Variants in GPHN observed in about 807,000 individuals in gnomAD.
GPHN encodes gephyrin.
GPHN carries 17 observed loss-of-function variants against 95.5 expected under a neutral mutation model. The observed-to-expected ratio is 0.18, with a 90% CI of 0.12 to 0.27. GPHN has a LOEUF of 0.27. Among genes scored for constraint, GPHN ranks in the 10% least tolerant of loss-of-function variants. The pLI is 1.00. For missense variants in GPHN, 660 were observed against 978.1 expected (o/e 0.67, Z 4.34); for synonymous variants, 320 against 322.5 (o/e 0.99, Z 0.08).
At chr14:67,225,969 GCGCGCGTGCGCA>G in the GPHN span, among the ~76,000 whole-genome samples, 12 of 147,146 alleles carry the variant, frequency 8.2e-5, no homozygotes, top group African/African-American at 2.6e-4. Flanking sequence ...GTGTGCGCGC[GCGCGCGTGCGCA>G]TGCGCGTGCA....
At chr14:67,641,316 G>GA in the GPHN span, among the ~76,000 whole-genome samples, 1 of 151,970 alleles carries the variant, frequency 6.6e-6, no homozygotes, top group Non-Finnish European at 1.5e-5. Flanking sequence ...TCCAAAATCT[G>GA]AAAAAAATAA....
At chr14:67,143,193 C>T (rs2080596407) in intron 17 of GPHN, 169 bp from the exon 18 acceptor site, 1 of 629,390 alleles carries the variant, frequency 1.6e-6, no homozygotes, top group Admixed American at 2.2e-5. Context: ...CATAATAAGA[C>T]TTAATGCTCC....
chr14:66,908,092 AAAAT>A (rs1270486299), intron 5 of GPHN, among the ~76,000 whole-genome samples: 2 of 152,150 alleles, frequency 1.3e-5, no homozygotes, highest in Non-Finnish European at 2.9e-5. Flanking sequence ...GAGAGGGTCT[AAAAT>A]AAATGACATA....
chr14:66,657,437 G>T (rs1418605727), intron 1 of GPHN, among the ~76,000 whole-genome samples: 2 of 152,204 alleles, frequency 1.3e-5, no homozygotes, highest in Non-Finnish European at 2.9e-5. Flanking sequence ...TCAACAACAG[G>T]TTATCAATAT....
intron 9 of GPHN, among the ~76,000 whole-genome samples, chr14:67,003,935 C>A (rs184568367): frequency 8.0e-6 from 1 of 124,512 alleles, no homozygotes; most frequent in African/African-American, 4.6e-5. Flanking sequence ...TTTCTACTGC[C>A]GGGTCTGTGT....
At chr14:67,090,302 A>C (rs2077095329) in intron 12 of GPHN, among the ~76,000 whole-genome samples, 1 of 152,048 alleles carries the variant, frequency 6.6e-6, no homozygotes, top group Admixed American at 6.6e-5. Flanking sequence ...TAATTCAAAA[A>C]TCCAGAATTT....
chr14:67,200,436 A>C, the GPHN span: 1 of 466,580 alleles, frequency 2.1e-6, no homozygotes, highest in Non-Finnish European at 3.8e-6. Context: ...CCCTTTCAGC[A>C]CCCCCACCCC....
At chr14:67,671,451 A>T in the GPHN span, among the ~76,000 whole-genome samples, 1 of 152,126 alleles carries the variant, frequency 6.6e-6, no homozygotes. Flanking sequence ...ACTTGAACCC[A>T]GGAGGTGGAG....
chr14:67,286,153 A>G, the GPHN span, among the ~76,000 whole-genome samples: 1 of 152,216 alleles, frequency 6.6e-6, no homozygotes, highest in Admixed American at 6.5e-5. Flanking sequence ...TAGATTTGCT[A>G]TGCCTGCCTC....
the GPHN span, chr14:67,360,375 G>A: frequency 1.3e-5 from 5 of 396,538 alleles, no homozygotes; most frequent in Non-Finnish European, 2.2e-5. Context: ...ATCGGCGGCC[G>A]GTGAGGGGGA....
intron 11 of GPHN, among the ~76,000 whole-genome samples, chr14:67,088,551 A>G (rs748924080): frequency 1.3e-5 from 2 of 152,062 alleles, no homozygotes; most frequent in Non-Finnish European, 2.9e-5. Context: ...CATTTTTTCT[A>G]TTGTAAGCAA....
chr14:66,866,780 G>T (rs1161042162), intron 4 of GPHN, among the ~76,000 whole-genome samples: 1 of 152,102 alleles, frequency 6.6e-6, no homozygotes, highest in Admixed American at 6.6e-5. Context: ...TAGGTAAATT[G>T]GTTGGCATGC....
chr14:66,821,075 G>A (rs1388091456), intron 3 of GPHN, among the ~76,000 whole-genome samples: 1 of 152,108 alleles, frequency 6.6e-6, no homozygotes, highest in Non-Finnish European at 1.5e-5. Context: ...AATCTTCAAT[G>A]ACCTCTTATT....
chr14:67,670,483 C>G, the GPHN span, among the ~76,000 whole-genome samples: 5 of 152,146 alleles, frequency 3.3e-5, no homozygotes, highest in Non-Finnish European at 7.3e-5. Context: ...CCCCCTCTTC[C>G]CCATGCTCAA....
intron 17 of GPHN, among the ~76,000 whole-genome samples, chr14:67,129,756 TAGAA>T (rs755911480): frequency 2.3e-3 from 258 of 112,058 alleles, no homozygotes; most frequent in Non-Finnish European, 2.9e-3. Flanking sequence ...CATCATTGAC[TAGAA>T]AGAAAGAAAG....
At chr14:66,711,605 T>TA (rs200623507) in intron 2 of GPHN, among the ~76,000 whole-genome samples, 2 of 140,542 alleles carry the variant, frequency 1.4e-5, no homozygotes, top group African/African-American at 2.9e-5. Flanking sequence ...TTTTTTTTTT[T>TA]AAATTATACT....
chr14:66,614,255 GC>G (rs1213299618), intron 1 of GPHN, among the ~76,000 whole-genome samples: 7 of 152,072 alleles, frequency 4.6e-5, no homozygotes, highest in Non-Finnish European at 1.5e-5. Flanking sequence ...TGGAAATCAA[GC>G]CTTTTTGAGG....
At chr14:67,466,069 G>A in the GPHN span, among the ~76,000 whole-genome samples, 1 of 152,178 alleles carries the variant, frequency 6.6e-6, no homozygotes, top group Admixed American at 6.5e-5. Context: ...CCATTGTTTA[G>A]AGCTACTCAT....
intron 10 of GPHN, among the ~76,000 whole-genome samples, chr14:67,051,087 C>T (rs978533847): frequency 5.3e-5 from 8 of 152,180 alleles, no homozygotes; most frequent in African/African-American, 1.9e-4. Flanking sequence ...AACCAAGTTC[C>T]TAGGGGAGGG....
Sources: gnomAD v4.1 joint callset for allele counts (sites outside exome capture counted in the v4.1 genomes callset) on GRCh38, gnomAD v4.1.1 for gene constraint, MANE v1.5 for transcripts, NCBI Gene and HGNC (gene_info 2026-07-23, HGNC 2026-07-21) for gene names.